Variants in RNMT observed in about 807,000 individuals in gnomAD.
RNMT encodes RNA guanine-7 methyltransferase, also known as mRNA cap guanine-N(7) methyltransferase.
Under a neutral mutation model 56.0 loss-of-function variants are expected in RNMT, and 27 were observed. The ratio of observed to expected loss-of-function variants is 0.48; its 90% CI spans 0.36 to 0.67. The LOEUF is 0.67. RNMT is among the 30% of genes least tolerant of loss of function. The probability of loss-of-function intolerance (pLI) is 0.00; values close to 1 mark genes in which losing one functional copy is unlikely to be tolerated. For synonymous variants in RNMT, 184 were observed against 176.2 expected, an observed-to-expected ratio of 1.04 and a Z score of -0.35; for missense variants, 519 against 552.1, an observed-to-expected ratio of 0.94 and a Z score of 0.60.
rs2044464172 is a variant in RNMT, at chr18:13,752,348, C to T, written c.1280C>T (p.Ser427Phe). ...ALEPYPANES[S>F]KLVSEKVDDY... ...CAGCCATATCCTGCAAATGAGAGTT[C>T]TAAACTTGTCTCTGAGAAGGTGGAT... is the stretch of plus-strand genomic sequence containing the variant. Residue 427 changes from serine to phenylalanine, a missense_variant, in exon 10 of 12, where the codon TCT becomes TTT. Ser to Phe is a radical substitution (Grantham distance 155). Transcript: ENST00000383314. 1.2e-6 allele frequency: 2 copies of T among 1,612,228 alleles called. No individual in the cohort carries two copies. Among genetic ancestry groups the T allele is most frequent in the Non-Finnish European group, 8.5e-7 (1 of 1,178,678 alleles).
intron 9 of RNMT, among the ~76,000 whole-genome samples, chr18:13,752,015 A>C (rs2044456887): frequency 6.6e-6 from 1 of 152,144 alleles, no homozygotes; most frequent in Admixed American, 6.5e-5. Context: ...GAAATACCTA[A>C]TGTAAATGAT....
chr18:13,750,445 CT>C (rs2044421816), intron 9 of RNMT, among the ~76,000 whole-genome samples: 3 of 151,774 alleles, frequency 2.0e-5, no homozygotes, highest in Admixed American at 2.0e-4. Context: ...CTAAATGGTT[CT>C]TGGTGGTGAT....
Position 13,760,854 on chromosome 18 carries a change from A to G in RNMT, c.*875A>G. The G allele has an allele frequency of 1.0e-6, 1 of 985,442 alleles. No homozygotes were observed. 61.0% of individuals were successfully genotyped at this position (985,442 alleles called of 1,614,324 possible). A position where few individuals can be genotyped will look rare whatever the true frequency, so the allele number is the denominator to read the frequency against. Reference sequence around the variant, plus strand: ...CCATGTACCCACTTCAGAAATAAGCAATACTTGTTCCTCTGTTACAACCTC... The same window carrying G: ...CCATGTACCCACTTCAGAAATAAGCGATACTTGTTCCTCTGTTACAACCTC... On this transcript the variant is annotated 3_prime_UTR_variant, in exon 12 of 12. Transcript: ENST00000383314.
Position 13,731,656 on chromosome 18 carries a change from A to C in RNMT, c.139A>C (p.Thr47Pro), listed in dbSNP as rs1488671970. ...TTCTGGGACTGGGCTTTCTGAAAAGACTTCTGTCTGTAGGCAAGTAGACAT... is the reference window on the plus strand; with the variant it reads ...TTCTGGGACTGGGCTTTCTGAAAAGCCTTCTGTCTGTAGGCAAGTAGACAT... ...TASGTGLSEKTSVCRQVDIAR... is the reference protein window; with the variant it reads ...TASGTGLSEKPSVCRQVDIAR... Residue 47 changes from threonine to proline, a missense_variant, in exon 3 of 12, where the codon ACT becomes CCT. Transcript: ENST00000383314. 6.2e-7 allele frequency: 1 copy of C among 1,614,018 alleles called. No homozygotes were observed. The highest frequency in any genetic ancestry group is 8.5e-7 in the Non-Finnish European group (1 of 1,180,016).
At chr18:13,747,354 C>T (rs1239124271) in intron 9 of RNMT, among the ~76,000 whole-genome samples, 1 of 151,942 alleles carries the variant, frequency 6.6e-6, no homozygotes, top group African/African-American at 2.4e-5. Context: ...GAGTAACTGA[C>T]TACAAGCGTG....
In RNMT at chr18:13,732,189, T is replaced by C. The variant is rs1853280521; in HGVS notation, c.417+255T>C. Among the ~76,000 whole-genome samples the C allele has an allele frequency of 5.9e-5, 9 of 151,992 alleles. No homozygotes were observed. The South Asian group carries it at 1.9e-3, about 31-fold the overall frequency. ...AGATAATGTTTATCTTATTTTAGAATATTTAACTAGAAACTTTTTTTTCCG... is the reference window on the plus strand; with the variant it reads ...AGATAATGTTTATCTTATTTTAGAACATTTAACTAGAAACTTTTTTTTCCG... On this transcript the variant is annotated intron_variant, in intron 3 of 11. Coordinates refer to ENST00000383314, the MANE Select transcript of RNMT (RefSeq NM_003799.3).
chr18:13,730,264 T>A (rs1169519447), intron 1 of RNMT, among the ~76,000 whole-genome samples: 1 of 152,206 alleles, frequency 6.6e-6, no homozygotes, highest in Non-Finnish European at 1.5e-5. Flanking sequence ...CCCATCTTAA[T>A]GTAGGTCTAA....
rs530159146 is a variant in RNMT, at chr18:13,734,400, G to A, written c.418-64G>A. ...CATTTTATCCATTCACAGGTCAAAT[G>A]TTCTGAGGCTTATTTTTACCATGTT... On this transcript the variant is annotated intron_variant, in intron 3 of 11. Transcript: ENST00000383314. 76 of 1,469,840 alleles carry A rather than the reference G, an allele frequency of 5.2e-5. 1 individual carries two copies. The South Asian group carries it at 8.6e-4, about 17-fold the overall frequency. The allele number at this position is 1,469,840 out of a possible 1,614,324, so 91.0% of individuals were successfully genotyped here. A position where few individuals can be genotyped will look rare whatever the true frequency, so the allele number is the denominator to read the frequency against.
intron 5 of RNMT, among the ~76,000 whole-genome samples, chr18:13,738,678 T>C (rs1181856296): frequency 6.6e-6 from 1 of 152,206 alleles, no homozygotes; most frequent in East Asian, 1.9e-4. Context: ...AATCAAAAAA[T>C]CACGTGTTTA....
chr18:13,747,255 TC>T (rs2044368117), intron 9 of RNMT, among the ~76,000 whole-genome samples: 2 of 150,916 alleles, frequency 1.3e-5, no homozygotes, highest in Non-Finnish European at 2.9e-5. Context: ...AGGATCTCGC[TC>T]TGTTGCCCAG....
At chr18:13,749,393 T>C (rs2044403928) in intron 9 of RNMT, among the ~76,000 whole-genome samples, 1 of 152,248 alleles carries the variant, frequency 6.6e-6, no homozygotes, top group South Asian at 2.1e-4. Context: ...TGGTTTATGC[T>C]AATGATACAG....
At chr18:13,746,936 C>G (rs2044362078) in intron 9 of RNMT, among the ~76,000 whole-genome samples, 1 of 152,198 alleles carries the variant, frequency 6.6e-6, no homozygotes, top group Non-Finnish European at 1.5e-5. Flanking sequence ...GAGACCTCTC[C>G]TGTCCTAATG....
At chr18:13,755,012 G>A (rs1159775919) in intron 11 of RNMT, among the ~76,000 whole-genome samples, 2 of 152,188 alleles carry the variant, frequency 1.3e-5, no homozygotes, top group African/African-American at 2.4e-5. Flanking sequence ...AGGAAGTCAG[G>A]TTGCAGAGCC....
chr18:13,727,249 C>T (rs1601980660), intron 1 of RNMT, among the ~76,000 whole-genome samples: 1 of 152,158 alleles, frequency 6.6e-6, no homozygotes, highest in East Asian at 1.9e-4. Flanking sequence ...TCGCTCGTAC[C>T]CTGAGGAGCT....
chr18:13,761,862 C>CA lies in RNMT; in HGVS notation c.*1885dup. On this transcript the variant is annotated 3_prime_UTR_variant, in exon 12 of 12. Coordinates refer to ENST00000383314, the MANE Select transcript of RNMT (RefSeq NM_003799.3). ...CCCTACACCCCCCTCCCCCCGGCCCCAAGCCCCTGTGTCTCCTTGTTACAA... is the reference window on the plus strand; with the variant it reads ...CCCTACACCCCCCTCCCCCCGGCCCCAAAGCCCCTGTGTCTCCTTGTTACAA... 1.8e-6 allele frequency: 2 copies of CA among 1,141,932 alleles called. No homozygotes were observed. Among genetic ancestry groups the CA allele is most frequent in the South Asian group, 2.9e-5 (1 of 34,616 alleles). 70.7% of individuals were successfully genotyped at this position (1,141,932 alleles called of 1,614,324 possible).
At chr18:13,742,212 C>T (rs1281658000) in intron 7 of RNMT, among the ~76,000 whole-genome samples, 4 of 151,970 alleles carry the variant, frequency 2.6e-5, no homozygotes, top group Non-Finnish European at 5.9e-5. Flanking sequence ...GTGGCACGCC[C>T]CTGTAGTCCT....
rs899922323 is a variant in RNMT, at chr18:13,763,363, C to T, written c.*3384C>T. On this transcript the variant is annotated 3_prime_UTR_variant, in exon 12 of 12. Coordinates refer to ENST00000383314, the MANE Select transcript of RNMT (RefSeq NM_003799.3). ...CTCGTGCTGCTCAGTTTGTCCTCTG[C>T]TCCCATGTAGGCCTAAAGTCACCCC... 4 of 321,842 alleles carry T rather than the reference C, an allele frequency of 1.2e-5. No homozygotes were observed. The highest frequency in any genetic ancestry group is 6.4e-5 in the African/African-American group (3 of 46,526). 19.9% of individuals were successfully genotyped at this position (321,842 alleles called of 1,614,324 possible). A position where few individuals can be genotyped will look rare whatever the true frequency, so the allele number is the denominator to read the frequency against.
chr18:13,755,174 AG>A (rs1431400216), intron 11 of RNMT, among the ~76,000 whole-genome samples: 1 of 152,240 alleles, frequency 6.6e-6, no homozygotes, highest in East Asian at 1.9e-4. Context: ...TCTACCTTCT[AG>A]AAGTCTACAC....
At chr18:13,728,186 AG>A (rs577436742) in intron 1 of RNMT, among the ~76,000 whole-genome samples, 7 of 152,154 alleles carry the variant, frequency 4.6e-5, no homozygotes, top group African/African-American at 1.7e-4. Flanking sequence ...TGTTTTTTGA[AG>A]AACCTCCATC....
Sources: gnomAD v4.1 joint callset for allele counts (sites outside exome capture counted in the v4.1 genomes callset) on GRCh38, gnomAD v4.1.1 for gene constraint, MANE v1.5 for transcripts, NCBI Gene and HGNC (gene_info 2026-07-23, HGNC 2026-07-21) for gene names.